Variants in MEOX2 observed in about 807,000 individuals in gnomAD.
The protein encoded by MEOX2 is mesenchyme homeobox 2, also known as homeobox protein MOX-2.
A neutral mutation model predicts 27.0 loss-of-function variants in MEOX2; 11 were observed. That is an observed-to-expected ratio of 0.41 (90% CI 0.26 to 0.68). MEOX2 has a LOEUF of 0.68. Ranked by LOEUF, MEOX2 falls within the 30% of genes least tolerant of loss-of-function variation. The pLI, the probability that MEOX2 is intolerant of heterozygous loss-of-function variation, is 0.33. For missense variants in MEOX2, 436 were observed against 385.4 expected, an observed-to-expected ratio of 1.13 and a Z score of -1.10; for synonymous variants, 189 against 155.4, an observed-to-expected ratio of 1.22 and a Z score of -1.61.
At chr7:15,623,812 C>T (rs572519048) in intron 2 of MEOX2, among the ~76,000 whole-genome samples, 5 of 152,380 alleles carry the variant, frequency 3.3e-5, no homozygotes, top group South Asian at 2.1e-4. Context: ...TCTCCTGTGA[C>T]ATTCTACACT....
intron 2 of MEOX2, among the ~76,000 whole-genome samples, chr7:15,616,470 A>G (rs920230074): frequency 6.6e-6 from 1 of 151,876 alleles, no homozygotes. Context: ...TGCAAATTTA[A>G]TTCCAGGTTA....
intron 1 of MEOX2, among the ~76,000 whole-genome samples, chr7:15,635,194 C>T (rs1313562090): frequency 6.6e-6 from 1 of 151,868 alleles, no homozygotes; most frequent in Non-Finnish European, 1.5e-5. Context: ...AAGGGCTCAC[C>T]AATGGTCACA....
chr7:15,627,341 G>C (rs1423319752), intron 1 of MEOX2, among the ~76,000 whole-genome samples: 2 of 152,020 alleles, frequency 1.3e-5, no homozygotes, highest in African/African-American at 4.8e-5. Flanking sequence ...GAGTATTTGA[G>C]AAATTCAAAC....
Position 15,686,282 on chromosome 7 carries a change from G to C in MEOX2, c.121C>G (p.Leu41Val). The C allele has an allele frequency of 3.1e-6, 5 of 1,612,484 alleles. No individual in the cohort carries two copies. The South Asian group carries it at 4.4e-5, about 14-fold the overall frequency. The change falls in exon 1 of 3, where the codon CTC (leucine) becomes GTC (valine). Residue 41 changes from leucine to valine, a missense_variant. Leu to Val is a conservative substitution (Grantham distance 32). Coordinates refer to ENST00000262041, the MANE Select transcript of MEOX2 (RefSeq NM_005924.5). ...ATGCAAGATGAGGAAGAAGTAGAGA[G>C]CTCGGGGTAAGACATATGGTCAGAT... ...GRSDHMSYPELSTSSSSCIIA... is the reference protein window; with the variant it reads ...GRSDHMSYPEVSTSSSSCIIA...
chr7:15,672,892 GAAAAA>G (rs199943563), intron 1 of MEOX2, among the ~76,000 whole-genome samples: 37,751 of 134,390 alleles, frequency 0.28, 5,262 homozygotes, highest in Admixed American at 0.36. Context: ...ATTCTGTCTT[GAAAAA>G]AAAAAAAAGA....
At chr7:15,629,679 C>T (rs1433477835) in intron 1 of MEOX2, among the ~76,000 whole-genome samples, 1 of 152,084 alleles carries the variant, frequency 6.6e-6, no homozygotes, top group East Asian at 1.9e-4. Context: ...TGGTTTCCAT[C>T]ACAACCCTCA....
chr7:15,635,414 T>C (rs1200616725), intron 1 of MEOX2, among the ~76,000 whole-genome samples: 2 of 151,982 alleles, frequency 1.3e-5, no homozygotes, highest in African/African-American at 4.8e-5. Flanking sequence ...ACATTCCAAA[T>C]ACACAGATAT....
Position 15,632,083 on chromosome 7 carries a change from C to T in MEOX2, c.518-5165G>A, listed in dbSNP as rs555317316. On this transcript the variant is annotated intron_variant, in intron 1 of 2. Transcript: ENST00000262041. ...AATAAAATACTTAGGTCTCTAAAGT[C>T]CTCCATACCTTAGATGTAGACGTTT... Among the ~76,000 whole-genome samples the T allele has an allele frequency of 1.3e-3, 198 of 151,876 alleles. 1 individual carries two copies. The highest frequency in any genetic ancestry group is 3.4e-3 in the Admixed American group (52 of 15,206).
intron 1 of MEOX2, among the ~76,000 whole-genome samples, chr7:15,659,334 C>T (rs755873662): frequency 3.9e-5 from 6 of 152,032 alleles, no homozygotes; most frequent in South Asian, 2.1e-4. Context: ...TATATGTAAG[C>T]ACAGGAATTA....
At chr7:15,658,044 G>C (rs535693650) in intron 1 of MEOX2, among the ~76,000 whole-genome samples, 1 of 152,332 alleles carries the variant, frequency 6.6e-6, no homozygotes, top group South Asian at 2.1e-4. Context: ...TGCCACCTTA[G>C]CTGGCAAGGA....
Position 15,612,415 on chromosome 7 carries a change from T to C in MEOX2, c.887A>G (p.Asp296Gly). The C allele has an allele frequency of 1.2e-6, 2 of 1,614,074 alleles. No individual in the cohort carries two copies. Among genetic ancestry groups the C allele is most frequent in the Non-Finnish European group, 1.7e-6 (2 of 1,180,004 alleles). ...TAAGTGCGCATGCTCTGAGCTGTGG[T>C]CACTGTCGTGACTGTCTTCATTTGC... is the stretch of plus-strand genomic sequence containing the variant. ...SIANEDSHDS[D>G]HSSEHAHL The change falls in exon 3 of 3, where the codon GAC becomes GGC. Residue 296 changes from aspartate (D) to glycine (G), a missense_variant. Transcript: ENST00000262041.
At position 15,661,763 on chromosome 7, in the gene MEOX2, G is replaced by A. The variant is rs530218768; in HGVS notation, c.517+24123C>T. Among the ~76,000 whole-genome samples the A allele has an allele frequency of 9.2e-5, 14 of 152,228 alleles. No individual in the cohort carries two copies. The South Asian group carries it at 1.9e-3, about 20-fold the overall frequency. Reference sequence around the variant, plus strand: ...AAGAAAATCATTCTCTGAGAGAAGCGAACGTTCAAAACCTAAGCCTGTGGT... The same window carrying A: ...AAGAAAATCATTCTCTGAGAGAAGCAAACGTTCAAAACCTAAGCCTGTGGT... On this transcript the variant is annotated intron_variant, in intron 1 of 2. Transcript: ENST00000262041.
At chr7:15,683,045 G>T (rs924061099) in intron 1 of MEOX2, among the ~76,000 whole-genome samples, 5 of 151,964 alleles carry the variant, frequency 3.3e-5, no homozygotes, top group African/African-American at 1.2e-4. Flanking sequence ...TTGCATATGT[G>T]TGTGTCCATG....
intron 1 of MEOX2, among the ~76,000 whole-genome samples, chr7:15,635,585 G>C (rs1037569690): frequency 3.3e-5 from 5 of 151,950 alleles, no homozygotes; most frequent in African/African-American, 1.2e-4. Flanking sequence ...GTAAACTCTA[G>C]CCGTTATTAG....
chr7:15,613,685 T>A (rs544595483), intron 2 of MEOX2, among the ~76,000 whole-genome samples: 44 of 152,196 alleles, frequency 2.9e-4, no homozygotes, highest in Admixed American at 2.2e-3. Flanking sequence ...ATTTTATTTG[T>A]TTGTTAGGTT....
intron 2 of MEOX2, 131 bp downstream of exon 2, chr7:15,626,615 T>A (rs1450824844): frequency 7.5e-6 from 4 of 536,104 alleles, no homozygotes; most frequent in Admixed American, 3.2e-5. Context: ...CAAAATTTTA[T>A]CATGGAATAG....
At chr7:15,655,258 G>C (rs547509251) in intron 1 of MEOX2, among the ~76,000 whole-genome samples, 1 of 151,682 alleles carries the variant, frequency 6.6e-6, no homozygotes, top group Admixed American at 6.6e-5. Context: ...TGGCATTTTT[G>C]TGGCTTCTCT....
chr7:15,626,351 TATC>T lies in MEOX2; in HGVS notation c.690+392_690+394del, dbSNP rs1223047967. ...TGAGGGTGAATGTGTTACTGCAACTTATCATGACCTATCCTGAGCAATACAGAA... is the reference window on the plus strand; with the variant it reads ...TGAGGGTGAATGTGTTACTGCAACTTATGACCTATCCTGAGCAATACAGAA... On this transcript the variant is annotated intron_variant, in intron 2 of 2. Transcript: ENST00000262041. Among the ~76,000 whole-genome samples, 5 of 152,068 alleles carry T rather than the reference TATC, an allele frequency of 3.3e-5. 1 individual carries two copies. Among genetic ancestry groups the T allele is most frequent in the Admixed American group, 1.3e-4 (2 of 15,220 alleles).
At chr7:15,643,035 C>T (rs1040089005) in intron 1 of MEOX2, among the ~76,000 whole-genome samples, 1 of 152,158 alleles carries the variant, frequency 6.6e-6, no homozygotes, top group Non-Finnish European at 1.5e-5. Flanking sequence ...CTGTGCAGTT[C>T]TGTCAACAAT....
Sources: gnomAD v4.1 joint callset for allele counts (sites outside exome capture counted in the v4.1 genomes callset) on GRCh38, gnomAD v4.1.1 for gene constraint, MANE v1.5 for transcripts, NCBI Gene and HGNC (gene_info 2026-07-23, HGNC 2026-07-21) for gene names.